NKAIN2: variants seen among roughly 807,000 people sequenced by gnomAD.
The protein encoded by NKAIN2 is sodium/potassium-transporting ATPase subunit beta-1-interacting protein 2.
In NKAIN2, 14 loss-of-function variants were observed where a neutral mutation model predicts 32.6. The observed-to-expected ratio is 0.43, with a 90% CI of 0.28 to 0.67. The LOEUF is 0.67. NKAIN2 is among the 30% of genes least tolerant of loss of function. The pLI, the probability that NKAIN2 is intolerant of heterozygous loss-of-function variation, is 0.17. For missense variants in NKAIN2, 198 were observed against 258.3 expected, an observed-to-expected ratio of 0.77 and a Z score of 1.60; for synonymous variants, 80 against 87.2, an observed-to-expected ratio of 0.92 and a Z score of 0.46.
intron 2 of NKAIN2, among the ~76,000 whole-genome samples, chr6:124,315,563 ATATTGAAG>A (rs911140027): frequency 4.6e-5 from 7 of 152,186 alleles, no homozygotes; most frequent in African/African-American, 1.7e-4. Flanking sequence ...GAGAATCAAC[ATATTGAAG>A]ACATGACTTA....
chr6:124,784,492 T>G (rs546751451), intron 4 of NKAIN2, among the ~76,000 whole-genome samples: 1 of 152,274 alleles, frequency 6.6e-6, no homozygotes, highest in Non-Finnish European at 1.5e-5. Context: ...TACAACTTTT[T>G]GGGTTGGCTT....
chr6:124,684,941 G>T (rs534490314), intron 4 of NKAIN2, among the ~76,000 whole-genome samples: 1 of 152,168 alleles, frequency 6.6e-6, no homozygotes, highest in South Asian at 2.1e-4. Context: ...CCTCCTTCTT[G>T]TTTCCTTATC....
At chr6:124,560,687 A>G (rs1014146057) in intron 3 of NKAIN2, among the ~76,000 whole-genome samples, 1 of 152,250 alleles carries the variant, frequency 6.6e-6, no homozygotes, top group Non-Finnish European at 1.5e-5. Flanking sequence ...TGATATAAAG[A>G]TGAGCAATTA....
intron 1 of NKAIN2, among the ~76,000 whole-genome samples, chr6:124,082,535 G>T (rs980945114): frequency 6.6e-6 from 1 of 151,476 alleles, no homozygotes; most frequent in Non-Finnish European, 1.5e-5. Flanking sequence ...TTCATTCATT[G>T]AGAAATAGAA....
chr6:124,300,531 C>T (rs1382147559), intron 2 of NKAIN2, among the ~76,000 whole-genome samples: 1 of 152,158 alleles, frequency 6.6e-6, no homozygotes, highest in Non-Finnish European at 1.5e-5. Context: ...GTGGAAGTGA[C>T]TTTGGAACAG....
At chr6:124,381,879 G>C (rs1285170060) in intron 3 of NKAIN2, among the ~76,000 whole-genome samples, 1 of 152,030 alleles carries the variant, frequency 6.6e-6, no homozygotes, top group East Asian at 1.9e-4. Context: ...AAGCTTCTCA[G>C]TGCTTTAGTA....
Position 124,675,626 on chromosome 6 carries a change from A to T in NKAIN2, c.474+17240A>T, listed in dbSNP as rs374818566. ...TTTATTCATGTCTTCCAAGTTATCT[A>T]ATTTGTTGCTGTATAATTATTCATG... On this transcript the variant is annotated intron_variant, in intron 4 of 6. Coordinates refer to ENST00000368417, the MANE Select transcript of NKAIN2 (RefSeq NM_001040214.3). 4.6e-5 allele frequency among the ~76,000 whole-genome samples: 7 copies of T among 152,054 alleles called. No individual in the cohort carries two copies. In the East Asian group the frequency reaches 7.7e-4, roughly 17 times the overall value.
intron 4 of NKAIN2, among the ~76,000 whole-genome samples, chr6:124,713,268 A>C (rs983120168): frequency 1.3e-5 from 2 of 152,290 alleles, no homozygotes; most frequent in African/African-American, 4.8e-5. Flanking sequence ...AGAGGAGCAA[A>C]TATTCGAATC....
chr6:124,120,859 T>G lies in NKAIN2; in HGVS notation c.55-162146T>G, dbSNP rs142112057. On this transcript the variant is annotated intron_variant, in intron 1 of 6. Transcript: ENST00000368417. Reference sequence around the variant, plus strand: ...CAGTAGATTCACCAATTTATAAGATTTACAAAGAAGAGGTCATGAAACTTG... The same window carrying G: ...CAGTAGATTCACCAATTTATAAGATGTACAAAGAAGAGGTCATGAAACTTG... Among the ~76,000 whole-genome samples the G allele has an allele frequency of 6.6e-4, 101 of 152,236 alleles. 1 individual carries two copies. In the East Asian group the frequency reaches 0.017, roughly 26 times the overall value.
At chr6:124,478,236 T>C (rs1777307967) in intron 3 of NKAIN2, among the ~76,000 whole-genome samples, 1 of 152,174 alleles carries the variant, frequency 6.6e-6, no homozygotes, top group South Asian at 2.1e-4. Context: ...AAAAGAACAG[T>C]ATTTATCTTA....
At chr6:123,891,012 T>C (rs1773984978) in intron 1 of NKAIN2, among the ~76,000 whole-genome samples, 1 of 152,042 alleles carries the variant, frequency 6.6e-6, no homozygotes, top group Non-Finnish European at 1.5e-5. Flanking sequence ...CATTTAACCC[T>C]AAAAAGGAAT....
At chr6:124,790,595 C>T (rs938741331) in intron 4 of NKAIN2, among the ~76,000 whole-genome samples, 2 of 151,946 alleles carry the variant, frequency 1.3e-5, no homozygotes, top group African/African-American at 4.8e-5. Context: ...TTTTGACTAG[C>T]GCTCATAAGT....
intron 3 of NKAIN2, among the ~76,000 whole-genome samples, chr6:124,363,077 T>C (rs1474421953): frequency 6.6e-6 from 1 of 152,160 alleles, no homozygotes; most frequent in Admixed American, 6.6e-5. Context: ...TCAAGTGATC[T>C]GCCCTCATTG....
At chr6:124,207,316 A>G (rs1790944027) in intron 1 of NKAIN2, among the ~76,000 whole-genome samples, 1 of 151,528 alleles carries the variant, frequency 6.6e-6, no homozygotes, top group Admixed American at 6.6e-5. Flanking sequence ...GATGATAATA[A>G]TAATCGGGAA....
intron 1 of NKAIN2, among the ~76,000 whole-genome samples, chr6:124,216,676 C>T (rs961071274): frequency 1.2e-4 from 18 of 152,130 alleles, no homozygotes; most frequent in African/African-American, 4.1e-4. Flanking sequence ...AATGTGGGCA[C>T]TAAATAAGTT....
intron 1 of NKAIN2, among the ~76,000 whole-genome samples, chr6:124,144,845 G>A (rs1787319837): frequency 1.3e-5 from 2 of 151,956 alleles, no homozygotes; most frequent in Non-Finnish European, 2.9e-5. Flanking sequence ...GACAAGCTAT[G>A]GACTAGGAGG....
chr6:124,549,049 G>A (rs923931766), intron 3 of NKAIN2, among the ~76,000 whole-genome samples: 1 of 152,074 alleles, frequency 6.6e-6, no homozygotes. Flanking sequence ...ATGCATGGTA[G>A]CTAGAAGGAG....
chr6:124,098,217 T>G (rs983436556), intron 1 of NKAIN2, among the ~76,000 whole-genome samples: 8 of 152,236 alleles, frequency 5.3e-5, no homozygotes, highest in Non-Finnish European at 7.3e-5. Flanking sequence ...GTATCATCCT[T>G]ATTAGACTTT....
chr6:123,918,403 CA>C (rs766151781), intron 1 of NKAIN2, among the ~76,000 whole-genome samples: 4 of 152,164 alleles, frequency 2.6e-5, no homozygotes, highest in Non-Finnish European at 5.9e-5. Flanking sequence ...CATAAAATGT[CA>C]CTGTTAACAT....
Sources: gnomAD v4.1 joint callset for allele counts (sites outside exome capture counted in the v4.1 genomes callset) on GRCh38, gnomAD v4.1.1 for gene constraint, MANE v1.5 for transcripts, NCBI Gene and HGNC (gene_info 2026-07-23, HGNC 2026-07-21) for gene names.